The following TECRL variants were observed in gnomAD, a reference collection of about 807,000 sequenced individuals.
The protein encoded by TECRL is trans-2,3-enoyl-CoA reductase-like.
In TECRL, 63 loss-of-function variants were observed where a neutral mutation model predicts 52.8. The observed-to-expected ratio is 1.19, with a 90% CI of 0.97 to 1.47. TECRL has a LOEUF of 1.47. TECRL is among the 40% of genes most tolerant of loss of function. TECRL has a pLI of 0.00. For synonymous variants in TECRL, 164 were observed against 141.9 expected (o/e 1.16, Z -1.10); for missense variants, 482 against 429.6 (o/e 1.12, Z -1.08).
At chr4:64,350,736 T>C (rs1720328150) in intron 2 of TECRL, among the ~76,000 whole-genome samples, 4 of 151,800 alleles carry the variant, frequency 2.6e-5, no homozygotes, top group Non-Finnish European at 5.9e-5. Context: ...CAGCAATTTT[T>C]CCCTGAGTCT....
intron 5 of TECRL, among the ~76,000 whole-genome samples, chr4:64,313,803 T>A (rs2110009238): frequency 6.6e-6 from 1 of 150,696 alleles, no homozygotes; most frequent in South Asian, 2.1e-4. Flanking sequence ...TTTGTCATAC[T>A]TCAAAATGGT....
In TECRL at chr4:64,406,321, T is replaced by G. The variant is rs114510214; in HGVS notation, c.234+2797A>C. On this transcript the variant is annotated intron_variant, in intron 1 of 11. Transcript: ENST00000381210. ...TTGAGTAATAGACATAAAACAAAGT[T>G]TCTGTTAGAACATACATTACTAAGA... Among the ~76,000 whole-genome samples, 1,478 of 152,034 alleles carry G rather than the reference T, an allele frequency of 9.7e-3. 25 individuals are homozygous for G. The highest frequency in any genetic ancestry group is 0.034 in the African/African-American group (1,392 of 41,488).
Position 64,280,154 on chromosome 4 carries a change from G to T in TECRL, c.1010C>A (p.Ala337Glu). The stretch of plus-strand genomic sequence containing the variant: ...CAGATAAATCTTATGTTTCTTTTGT[G>T]CCCACAAAGACATCTGGATACTCAT... Reference protein sequence around the residue: ...LLMSIQMSLWAQKKHKIYLRK... With the variant: ...LLMSIQMSLWEQKKHKIYLRK... The change falls in exon 12 of 12, where the codon GCA becomes GAA. Residue 337 changes from alanine (A) to glutamate (E), a missense_variant. Transcript: ENST00000381210. 1 of 1,599,110 alleles carries T rather than the reference G, an allele frequency of 6.3e-7. No individual in the cohort carries two copies. Among genetic ancestry groups the T allele is most frequent in the Non-Finnish European group, 8.5e-7 (1 of 1,173,348 alleles).
chr4:64,380,445 C>T (rs936794581), intron 1 of TECRL, among the ~76,000 whole-genome samples: 3 of 151,806 alleles, frequency 2.0e-5, no homozygotes, highest in African/African-American at 7.3e-5. Flanking sequence ...TTTTTGCTAC[C>T]TATACTTTTG....
chr4:64,308,159 T>C (rs147505470), intron 6 of TECRL, among the ~76,000 whole-genome samples: 9 of 152,034 alleles, frequency 5.9e-5, no homozygotes, highest in African/African-American at 1.9e-4. Flanking sequence ...CAGATAGAGA[T>C]AGAAGGTCTT....
At chr4:64,327,180 A>C (rs1412499777) in intron 3 of TECRL, among the ~76,000 whole-genome samples, 1 of 152,108 alleles carries the variant, frequency 6.6e-6, no homozygotes, top group East Asian at 1.9e-4. Flanking sequence ...TTTGCACCAT[A>C]TCTCACTAAA....
At position 64,352,776 on chromosome 4, in the gene TECRL, T is replaced by C. The variant is rs111325828; in HGVS notation, c.286+22396A>G. Among the ~76,000 whole-genome samples the C allele has an allele frequency of 3.3e-3, 496 of 152,320 alleles. 7 individuals carry two copies. The highest frequency in any genetic ancestry group is 0.011 in the African/African-American group (469 of 41,582). ...GTTTAGGCATATGCATAAGAAAATA[T>C]CAGATTCAAAGTATGTTCTTGTCTT... On this transcript the variant is annotated intron_variant, in intron 2 of 11. Coordinates refer to ENST00000381210, the MANE Select transcript of TECRL (RefSeq NM_001010874.5).
intron 3 of TECRL, among the ~76,000 whole-genome samples, chr4:64,327,734 A>G (rs1718358767): frequency 6.6e-6 from 1 of 152,076 alleles, no homozygotes; most frequent in African/African-American, 2.4e-5. Flanking sequence ...CGAGAGACTC[A>G]AAGAAATAAT....
Position 64,409,382 on chromosome 4 carries a change from CA to C in TECRL, c.-32del. Reference sequence around the variant, plus strand: ...GAACTAAGAGGAGGGTCTGTCATGTCAAAAGTAGAAAATTGCAAGTGTGTTC... The same window carrying C: ...GAACTAAGAGGAGGGTCTGTCATGTCAAAGTAGAAAATTGCAAGTGTGTTC... On this transcript the variant is annotated 5_prime_UTR_variant, in exon 1 of 12. It introduces an in-frame stop codon into an upstream open reading frame of the 5' UTR. Transcript: ENST00000381210. 6.2e-7 allele frequency: 1 copy of C among 1,600,108 alleles called. No individual in the cohort carries two copies. The highest frequency in any genetic ancestry group is 8.5e-7 in the Non-Finnish European group (1 of 1,172,020).
At chr4:64,286,672 A>G (rs1357260236) in intron 9 of TECRL, among the ~76,000 whole-genome samples, 1 of 152,076 alleles carries the variant, frequency 6.6e-6, no homozygotes, top group Non-Finnish European at 1.5e-5. Flanking sequence ...ACATCGAAGC[A>G]AAAAAACCAT....
intron 1 of TECRL, among the ~76,000 whole-genome samples, chr4:64,396,066 T>C (rs1054478749): frequency 1.3e-5 from 2 of 152,172 alleles, no homozygotes; most frequent in Non-Finnish European, 2.9e-5. Context: ...CTATATCCAG[T>C]CTATCACTGA....
chr4:64,328,147 T>C (rs1274039320), intron 3 of TECRL, among the ~76,000 whole-genome samples: 1 of 151,936 alleles, frequency 6.6e-6, no homozygotes, highest in African/African-American at 2.4e-5. Flanking sequence ...TTATTCTGCT[T>C]TATAACAGCA....
Position 64,334,686 on chromosome 4 carries a change from T to C in TECRL, c.287-6130A>G, listed in dbSNP as rs1200328193. On this transcript the variant is annotated intron_variant, in intron 2 of 11. Coordinates refer to ENST00000381210, the MANE Select transcript of TECRL (RefSeq NM_001010874.5). ...CTATAGGAAAACAAAGACATGCTTC[T>C]GGAAATGGAAAATTTTAAAGCTGCA... is the stretch of plus-strand genomic sequence containing the variant. Among the ~76,000 whole-genome samples the C allele has an allele frequency of 2.0e-5, 3 of 152,276 alleles. No individual in the cohort carries two copies. The East Asian group carries it at 5.8e-4, about 29-fold the overall frequency.
At chr4:64,311,015 C>T (rs1367215884) in intron 5 of TECRL, among the ~76,000 whole-genome samples, 4 of 152,098 alleles carry the variant, frequency 2.6e-5, no homozygotes, top group East Asian at 1.9e-4. Context: ...ACACCACATC[C>T]GACTGATGAC....
chr4:64,319,607 T>A (rs966303130), intron 4 of TECRL, among the ~76,000 whole-genome samples: 2 of 151,852 alleles, frequency 1.3e-5, no homozygotes, highest in Non-Finnish European at 3.0e-5. Context: ...CAACACTGTA[T>A]CCCAGATAAA....
chr4:64,314,129 G>A (rs567666779), intron 5 of TECRL, among the ~76,000 whole-genome samples: 11 of 151,486 alleles, frequency 7.3e-5, no homozygotes, highest in Non-Finnish European at 1.5e-4. Context: ...CAGCCTGGGT[G>A]ACAGAGCGAA....
intron 8 of TECRL, among the ~76,000 whole-genome samples, chr4:64,295,154 A>G (rs1380833229): frequency 2.0e-5 from 3 of 151,664 alleles, no homozygotes; most frequent in Non-Finnish European, 3.0e-5. Context: ...TAAAAGAAAT[A>G]CATTTAGTGT....
At chr4:64,394,598 A>T (rs1432403361) in intron 1 of TECRL, among the ~76,000 whole-genome samples, 1 of 152,172 alleles carries the variant, frequency 6.6e-6, no homozygotes, top group Non-Finnish European at 1.5e-5. Flanking sequence ...GATATTAACA[A>T]GGTTATTTAA....
intron 2 of TECRL, among the ~76,000 whole-genome samples, 195 bp downstream of exon 2, chr4:64,374,977 G>T (rs1238922460): frequency 6.6e-6 from 1 of 152,014 alleles, no homozygotes. Flanking sequence ...GGAAATGCTG[G>T]AGATTAAAGG....
Sources: allele counts gnomAD v4.1 joint callset (sites outside exome capture counted in the v4.1 genomes callset), GRCh38; gene constraint gnomAD v4.1.1; transcripts MANE v1.5; gene names NCBI Gene and HGNC (gene_info 2026-07-23, HGNC 2026-07-21).